The following BICC1 variants were observed in gnomAD, a reference collection of about 807,000 sequenced individuals.
BICC1 encodes protein bicaudal C homolog 1.
Under a neutral mutation model 111.0 loss-of-function variants are expected in BICC1, and 43 were observed. The observed-to-expected ratio is 0.39, with a 90% CI of 0.30 to 0.50. The LOEUF (loss-of-function observed/expected upper bound fraction) is 0.50, where lower values mean the gene tolerates loss of function less well. BICC1 is among the 20% of genes least tolerant of loss of function. BICC1 has a pLI of 0.88. For synonymous variants in BICC1, 467 were observed against 434.4 expected (o/e 1.07, Z -0.93); for missense variants, 1,091 against 1,203.2 (o/e 0.91, Z 1.38).
chr10:58,549,542 GATA>G (rs1176192262), intron 1 of BICC1, among the ~76,000 whole-genome samples: 1 of 151,604 alleles, frequency 6.6e-6, no homozygotes, highest in South Asian at 2.1e-4. Context: ...TCCCTAATGA[GATA>G]ATGATGTTGA....
chr10:58,530,978 A>G (rs1842667190), intron 1 of BICC1, among the ~76,000 whole-genome samples: 1 of 151,834 alleles, frequency 6.6e-6, no homozygotes, highest in Non-Finnish European at 1.5e-5. Flanking sequence ...TAAAACCAAG[A>G]ACCATGGTTT....
intron 1 of BICC1, among the ~76,000 whole-genome samples, chr10:58,536,937 G>A (rs185032070): frequency 6.5e-4 from 98 of 151,774 alleles, no homozygotes; most frequent in African/African-American, 2.3e-3. Flanking sequence ...ATGCACACAA[G>A]CTAGAAAATC....
At chr10:58,789,130 G>T (rs1007451332) in intron 6 of BICC1, 132 bp from the exon 7 acceptor site, 2 of 713,976 alleles carry the variant, frequency 2.8e-6, no homozygotes, top group East Asian at 5.5e-5. Flanking sequence ...ATATAATGTA[G>T]CTAAACTTAA....
intron 3 of BICC1, among the ~76,000 whole-genome samples, chr10:58,773,882 T>C (rs190592498): frequency 2.6e-5 from 4 of 152,330 alleles, no homozygotes; most frequent in Admixed American, 1.3e-4. Flanking sequence ...TACCCAAATA[T>C]TGCTTTTCTA....
At chr10:58,604,228 A>G (rs562354409) in intron 1 of BICC1, among the ~76,000 whole-genome samples, 55 of 152,304 alleles carry the variant, frequency 3.6e-4, no homozygotes, top group African/African-American at 1.3e-3. Flanking sequence ...GGGGCAGTAG[A>G]ACTCCTGAGA....
In BICC1 at chr10:58,789,749, A is replaced by G; in HGVS notation, c.863A>G (p.Gln288Arg). Residue 288 changes from glutamine to arginine, a missense_variant, in exon 8 of 21, where the codon CAA becomes CGA. Gln to Arg is a conservative substitution (Grantham distance 43). This residue lies in a region of BICC1 where 843 missense variants were observed against 900.8 expected (regional missense o/e 0.94). Transcript: ENST00000373886. ...SLASAIPVSTQLDIAAQHHLF... is the reference protein window; with the variant it reads ...SLASAIPVSTRLDIAAQHHLF... ...GCATCAGCTATTCCTGTGAGCACAC[A>G]ACTAGATATTGCAGCTCAACATCAT... The G allele has an allele frequency of 1.2e-6, 2 of 1,614,166 alleles. No individual in the cohort carries two copies. The highest frequency in any genetic ancestry group is 1.7e-6 in the Non-Finnish European group (2 of 1,180,010).
At chr10:58,625,116 T>A (rs1480105308) in intron 2 of BICC1, among the ~76,000 whole-genome samples, 1 of 152,222 alleles carries the variant, frequency 6.6e-6, no homozygotes, top group East Asian at 1.9e-4. Flanking sequence ...AAGGCGGGAA[T>A]GGATATAACT....
At chr10:58,692,644 T>C (rs1384270724) in intron 2 of BICC1, among the ~76,000 whole-genome samples, 1 of 152,212 alleles carries the variant, frequency 6.6e-6, no homozygotes, top group East Asian at 1.9e-4. Context: ...GTTCGAATAG[T>C]GCTTTCTTTT....
chr10:58,598,969 G>A (rs965067947), intron 1 of BICC1, among the ~76,000 whole-genome samples: 2 of 152,214 alleles, frequency 1.3e-5, no homozygotes, highest in African/African-American at 4.8e-5. Flanking sequence ...TCTCACACCA[G>A]TTAGAATGGC....
intron 8 of BICC1, among the ~76,000 whole-genome samples, chr10:58,793,248 G>A (rs1843237122): frequency 6.6e-6 from 1 of 152,038 alleles, no homozygotes; most frequent in African/African-American, 2.4e-5. Context: ...AAAGTCCGGG[G>A]CCAAAAACAG....
chr10:58,761,142 G>A (rs1343070399), intron 3 of BICC1, among the ~76,000 whole-genome samples: 1 of 152,138 alleles, frequency 6.6e-6, no homozygotes, highest in Non-Finnish European at 1.5e-5. Context: ...ACAGGCGTGA[G>A]CCACTGCACC....
chr10:58,618,220 A>G (rs1845682418), intron 1 of BICC1, among the ~76,000 whole-genome samples: 1 of 152,170 alleles, frequency 6.6e-6, no homozygotes, highest in Non-Finnish European at 1.5e-5. Context: ...TCCAAGGCCT[A>G]TGTCTCCCTT....
chr10:58,593,153 A>G (rs1472010566), intron 1 of BICC1, among the ~76,000 whole-genome samples: 1 of 152,140 alleles, frequency 6.6e-6, no homozygotes, highest in South Asian at 2.1e-4. Flanking sequence ...GGTGGAGCCC[A>G]CTGCAGCTCA....
chr10:58,701,072 C>T (rs955984583), intron 2 of BICC1, among the ~76,000 whole-genome samples: 2 of 152,134 alleles, frequency 1.3e-5, no homozygotes, highest in Non-Finnish European at 2.9e-5. Flanking sequence ...GGTACGTAGC[C>T]AGTACTGAGG....
intron 1 of BICC1, among the ~76,000 whole-genome samples, chr10:58,558,842 A>C (rs1211916097): frequency 6.6e-6 from 1 of 152,062 alleles, no homozygotes; most frequent in African/African-American, 2.4e-5. Context: ...CTGCATCCTC[A>C]CATAATGGAA....
chr10:58,542,225 A>G (rs1405585064), intron 1 of BICC1, among the ~76,000 whole-genome samples: 1 of 151,874 alleles, frequency 6.6e-6, no homozygotes, highest in Non-Finnish European at 1.5e-5. Flanking sequence ...CGAGAAATAA[A>G]TCCTCGCCTA....
chr10:58,640,737 A>G (rs1838097534), intron 2 of BICC1, among the ~76,000 whole-genome samples: 1 of 152,204 alleles, frequency 6.6e-6, no homozygotes, highest in Non-Finnish European at 1.5e-5. Flanking sequence ...AATTTCACTG[A>G]AGAATGCAGA....
intron 1 of BICC1, among the ~76,000 whole-genome samples, chr10:58,552,581 C>G (rs540810979): frequency 1.3e-5 from 2 of 152,054 alleles, no homozygotes; most frequent in Non-Finnish European, 2.9e-5. Flanking sequence ...GTGATCCACC[C>G]GCCTCGGCGT....
rs111856036 is a variant in BICC1 at position 58,780,879 on chromosome 10, T to C, written c.308-4122T>C. 2.5e-3 allele frequency among the ~76,000 whole-genome samples: 387 copies of C among 152,324 alleles called. 1 individual carries two copies. The highest frequency in any genetic ancestry group is 8.9e-3 in the African/African-American group (369 of 41,592). ...TTATTTTTATTGAAAATATGGTTTT[T>C]AGCGGGTGTCCTTACGACAATTGTT... On this transcript the variant is annotated intron_variant, in intron 3 of 20. Transcript: ENST00000373886.
Sources: gnomAD v4.1 joint callset for allele counts (sites outside exome capture counted in the v4.1 genomes callset) on GRCh38, gnomAD v4.1.1 for gene constraint, gnomAD v4.1.1 regional missense constraint, MANE v1.5 for transcripts, NCBI Gene and HGNC (gene_info 2026-07-23, HGNC 2026-07-21) for gene names.